Variants in KALRN observed in about 807,000 individuals in gnomAD.
KALRN encodes kalirin RhoGEF kinase, also known as kalirin.
A neutral mutation model predicts 353.7 loss-of-function variants in KALRN; 70 were observed. The observed-to-expected ratio is 0.20, with a 90% CI of 0.16 to 0.24. The LOEUF is 0.24. Ranked by LOEUF, KALRN falls within the 10% of genes least tolerant of loss-of-function variation. The pLI is 1.00. For synonymous variants in KALRN, 1,391 were observed against 1,434.8 expected, an observed-to-expected ratio of 0.97 and a Z score of 0.69; for missense variants, 2,791 against 3,756.7, an observed-to-expected ratio of 0.74 and a Z score of 6.72.
At position 124,269,086 on chromosome 3, in the gene KALRN, G is replaced by A. The variant is rs2073879146; in HGVS notation, c.800G>A (p.Arg267His). 4 of 1,612,534 alleles carry A rather than the reference G, an allele frequency of 2.5e-6. No individual in the cohort carries two copies. Among genetic ancestry groups the A allele is most frequent in the East Asian group, 4.5e-5 (2 of 44,824 alleles). Residue 267 changes from arginine to histidine, a missense_variant, in exon 5 of 60, where the codon CGC (arginine) becomes CAC (histidine). Coordinates refer to ENST00000682506, the MANE Select transcript of KALRN (RefSeq NM_001388419.1). ...CGCTGCAGCGACGGCTTCTCAGGAC[G>A]CAACTGCATCCCGGGCAGTGCTGAC... ...CIRCSDGFSG[R>H]NCIPGSADFQ...
chr3:124,462,567 CT>C lies in KALRN; in HGVS notation c.3966del (p.Ile1324SerfsTer90). 1 of 1,611,980 alleles carries C rather than the reference CT, an allele frequency of 6.2e-7. No homozygotes were observed. The highest frequency in any genetic ancestry group is 8.5e-7 in the Non-Finnish European group (1 of 1,178,094). Reference protein sequence around the residue: ...EMTSGVEEIPPGILNKEHIIF... With the variant: ...EMTSGVEEIPXGILNKEHIIF... ...ACCAGTGGTGTGGAGGAGATCCCCC[CT>C]GGGATCCTCAATAAAGAGCATATCA... On this transcript the variant is annotated frameshift_variant, in exon 25 of 60. Coordinates refer to ENST00000682506, the MANE Select transcript of KALRN (RefSeq NM_001388419.1). LOFTEE classifies it high-confidence loss of function.
At chr3:124,210,792 A>G (rs1015509830) in intron 1 of KALRN, among the ~76,000 whole-genome samples, 5 of 152,186 alleles carry the variant, frequency 3.3e-5, no homozygotes, top group Admixed American at 2.6e-4. Flanking sequence ...AAATTTACAT[A>G]TAGATTTTGA....
At chr3:124,173,738 C>T (rs532930016) in intron 1 of KALRN, among the ~76,000 whole-genome samples, 13 of 152,270 alleles carry the variant, frequency 8.5e-5, no homozygotes, top group African/African-American at 3.1e-4. Flanking sequence ...GCCTCAGCCT[C>T]CCGAGTAGCT....
At chr3:124,540,342 T>C (rs749930116) in intron 33 of KALRN, among the ~76,000 whole-genome samples, 1 of 152,216 alleles carries the variant, frequency 6.6e-6, no homozygotes, top group Non-Finnish European at 1.5e-5. Context: ...AGGGTAGCCA[T>C]GCGCCCAGGT....
At chr3:124,664,366 T>TGCGCGCGCGCGCGCGC (rs1454191492) in intron 45 of KALRN, among the ~76,000 whole-genome samples, 2 of 126,888 alleles carry the variant, frequency 1.6e-5, no homozygotes, top group Admixed American at 7.5e-5. Context: ...TGTGTGTGTG[T>TGCGCGCGCGCGCGCGC]GTGTGCGCGC....
At chr3:124,624,692 A>G (rs1332778589) in intron 34 of KALRN, among the ~76,000 whole-genome samples, 1 of 67,056 alleles carries the variant, frequency 1.5e-5, no homozygotes, top group East Asian at 6.2e-4. Flanking sequence ...ACCCCTGTAG[A>G]TAGATAGAAG....
At chr3:124,471,675 G>A (rs2060914714) in intron 25 of KALRN, among the ~76,000 whole-genome samples, 1 of 152,052 alleles carries the variant, frequency 6.6e-6, no homozygotes, top group African/African-American at 2.4e-5. Flanking sequence ...AGGCAGATGG[G>A]TGAGCTAGTG....
chr3:124,426,545 G>A (rs1055808586), intron 15 of KALRN, among the ~76,000 whole-genome samples: 3 of 152,106 alleles, frequency 2.0e-5, no homozygotes, highest in African/African-American at 7.2e-5. Flanking sequence ...AGGCACAGAC[G>A]TTAGACTAAA....
chr3:124,411,211 G>A (rs1347025835), intron 13 of KALRN, among the ~76,000 whole-genome samples: 1 of 152,084 alleles, frequency 6.6e-6, no homozygotes, highest in African/African-American at 2.4e-5. Context: ...GGGAGGGATG[G>A]ATTGGAAGGG....
chr3:124,214,362 T>C (rs537009911), intron 1 of KALRN, among the ~76,000 whole-genome samples: 2 of 152,252 alleles, frequency 1.3e-5, no homozygotes, highest in East Asian at 3.9e-4. Flanking sequence ...ACATTTGAGG[T>C]TGTTTCTGAT....
At chr3:124,162,876 G>A (rs1056789653) in intron 1 of KALRN, 3 of 152,198 alleles carry the variant, frequency 2.0e-5, no homozygotes, top group African/African-American at 7.2e-5. Flanking sequence ...AGTGTCTGTT[G>A]ACATTAAGTA....
intron 6 of KALRN, among the ~76,000 whole-genome samples, chr3:124,306,370 G>A (rs2077701097): frequency 6.6e-6 from 1 of 152,058 alleles, no homozygotes; most frequent in Non-Finnish European, 1.5e-5. Context: ...GCTCAATGTA[G>A]ATTTGAACTG....
chr3:124,699,727 C>T, intron 55 of KALRN, 142 bp from the exon 56 acceptor site: 2 of 747,308 alleles, frequency 2.7e-6, no homozygotes, highest in Non-Finnish European at 2.2e-6. Flanking sequence ...AGTTAGCCTA[C>T]AGGCTTTCAG....
At position 124,674,459 on chromosome 3, in the gene KALRN, G is replaced by A. The variant is rs781733228; in HGVS notation, c.7038G>A (p.Glu2346=). 3.7e-6 allele frequency: 6 copies of A among 1,613,934 alleles called. No individual in the cohort carries two copies. Among genetic ancestry groups the A allele is most frequent in the Non-Finnish European group, 5.1e-6 (6 of 1,180,020 alleles). The change falls in exon 49 of 60, where the codon GAG becomes GAA. Residue 2346 remains glutamate (E), a synonymous_variant. Transcript: ENST00000682506. ...KENEICVSQG[E]VVQVLAVNQQ... is the part of the protein sequence containing the mutation. ...ATGAAATCTGTGTGAGCCAAGGTGA[G>A]GTGGTCCAGGTCCTCGCCGTCAACC...
chr3:124,717,407 C>T, intron 59 of KALRN, 22 bp downstream of exon 59: 2 of 1,567,030 alleles, frequency 1.3e-6, no homozygotes, highest in Non-Finnish European at 8.7e-7. Flanking sequence ...TGGCAACCTG[C>T]TGGGCGCAGT....
chr3:124,318,324 G>C (rs938812236), intron 6 of KALRN, among the ~76,000 whole-genome samples: 19 of 152,152 alleles, frequency 1.2e-4, no homozygotes, highest in Non-Finnish European at 8.8e-5. Context: ...CCCCCCAGAG[G>C]GCACCCTGTG....
chr3:124,266,016 G>A (rs1222040612), intron 4 of KALRN, among the ~76,000 whole-genome samples: 1 of 152,172 alleles, frequency 6.6e-6, no homozygotes, highest in Non-Finnish European at 1.5e-5. Context: ...TCAAGAGGCT[G>A]AGGCAGGAGA....
intron 1 of KALRN, among the ~76,000 whole-genome samples, chr3:124,091,220 C>T (rs1264982519): frequency 1.3e-5 from 2 of 152,160 alleles, no homozygotes; most frequent in South Asian, 2.1e-4. Flanking sequence ...AAATGGTAGC[C>T]GGGTGGAGCC....
chr3:124,461,074 A>G (rs747773062), intron 23 of KALRN, among the ~76,000 whole-genome samples: 9 of 152,258 alleles, frequency 5.9e-5, no homozygotes, highest in Non-Finnish European at 1.0e-4. Flanking sequence ...GTCAGCAAAC[A>G]TAGACCAAAT....
Sources: allele counts gnomAD v4.1 joint callset (sites outside exome capture counted in the v4.1 genomes callset), GRCh38; gene constraint gnomAD v4.1.1; transcripts MANE v1.5; gene names NCBI Gene and HGNC (gene_info 2026-07-23, HGNC 2026-07-21).